Variants in IMPA2 observed in about 807,000 individuals in gnomAD.
The protein encoded by IMPA2 is IMP 2.
A neutral mutation model predicts 35.1 loss-of-function variants in IMPA2; 32 were observed. The ratio of observed to expected loss-of-function variants is 0.91; its 90% CI spans 0.69 to 1.23. IMPA2 has a LOEUF of 1.23. IMPA2 is among the 50% of genes most tolerant of loss of function. The pLI, the probability that IMPA2 is intolerant of heterozygous loss-of-function variation, is 0.00. For synonymous variants in IMPA2, 135 were observed against 160.6 expected, an observed-to-expected ratio of 0.84 and a Z score of 1.20; for missense variants, 334 against 387.6, an observed-to-expected ratio of 0.86 and a Z score of 1.16.
At chr18:12,011,969 T>TTA (rs1286798272) in intron 3 of IMPA2, among the ~76,000 whole-genome samples, 8 of 152,282 alleles carry the variant, frequency 5.3e-5, no homozygotes, top group Non-Finnish European at 4.4e-5. Context: ...TCTTTCAAGG[T>TTA]TAACTGTCTT....
intron 1 of IMPA2, among the ~76,000 whole-genome samples, chr18:11,995,814 T>A (rs1439791123): frequency 1.3e-5 from 2 of 152,192 alleles, no homozygotes; most frequent in Non-Finnish European, 2.9e-5. Flanking sequence ...ACACTAGTGT[T>A]CCCGTTTGGA....
chr18:12,024,368 C>T (rs1907819163), intron 5 of IMPA2, among the ~76,000 whole-genome samples: 1 of 151,438 alleles, frequency 6.6e-6, no homozygotes, highest in African/African-American at 2.4e-5. Flanking sequence ...CCTGTAATCC[C>T]CGCTACTTGG....
chr18:11,986,340 G>C (rs1011479544), intron 1 of IMPA2, among the ~76,000 whole-genome samples: 1 of 152,140 alleles, frequency 6.6e-6, no homozygotes, highest in Non-Finnish European at 1.5e-5. Flanking sequence ...TGTCTCCAGA[G>C]CCCGGCTCCT....
chr18:11,996,241 C>T (rs1027054914), intron 1 of IMPA2, among the ~76,000 whole-genome samples: 2 of 152,148 alleles, frequency 1.3e-5, no homozygotes, highest in Non-Finnish European at 2.9e-5. Flanking sequence ...GCTGACCTGT[C>T]GGAGGTGAGC....
At chr18:11,999,222 C>T (rs1241277822) in intron 2 of IMPA2, 35 bp downstream of exon 2, 11 of 1,601,842 alleles carry the variant, frequency 6.9e-6, no homozygotes, top group Non-Finnish European at 9.4e-6. Flanking sequence ...CCCCCAGTAA[C>T]CCTGGCCACA....
At chr18:11,983,701 C>T (rs1003073953) in intron 1 of IMPA2, among the ~76,000 whole-genome samples, 27 of 152,006 alleles carry the variant, frequency 1.8e-4, no homozygotes, top group African/African-American at 6.3e-4. Flanking sequence ...GCCCGGGCCG[C>T]CCGGGGCTCC....
intron 5 of IMPA2, chr18:12,017,628 AC>A: frequency 2.3e-6 from 1 of 426,142 alleles, no homozygotes. Context: ...TCACTCTGTC[AC>A]CCAGGCTGGA....
intron 2 of IMPA2, among the ~76,000 whole-genome samples, chr18:11,999,669 G>A (rs899159683): frequency 7.9e-5 from 12 of 152,340 alleles, no homozygotes; most frequent in Admixed American, 5.9e-4. Flanking sequence ...AGTGATGCAC[G>A]CCCCCTCGCC....
At position 11,982,793 on chromosome 18, in the gene IMPA2, C is replaced by CA. The variant is rs11354219; in HGVS notation, c.96+1045dup. ...GGGCAACAAGAACAAAACTCCGTCT[C>CA]AAAAAAAAAAAAAAAAAGTGATTGT... On this transcript the variant is annotated intron_variant, in intron 1 of 7. Transcript: ENST00000269159. Among the ~76,000 whole-genome samples the CA allele has an allele frequency of 3.5e-3, 395 of 111,680 alleles. 3 individuals carry two copies. The highest frequency in any genetic ancestry group is 5.3e-3 in the Middle Eastern group (1 of 190). 73.3% of individuals were successfully genotyped at this position (111,680 alleles called of 152,430 possible).
At chr18:12,017,763 G>A (rs1309619356) in intron 5 of IMPA2, 2 of 332,276 alleles carry the variant, frequency 6.0e-6, no homozygotes, top group South Asian at 4.4e-5. Context: ...TAATTTTTTT[G>A]TATTTTTTAG....
intron 1 of IMPA2, among the ~76,000 whole-genome samples, chr18:11,985,409 G>C (rs1382636784): frequency 6.6e-6 from 1 of 152,074 alleles, no homozygotes; most frequent in Non-Finnish European, 1.5e-5. Context: ...GGGGAGAATA[G>C]AAAGATAAAT....
chr18:12,007,003 G>A (rs868087143), intron 2 of IMPA2, among the ~76,000 whole-genome samples: 2 of 152,214 alleles, frequency 1.3e-5, no homozygotes, highest in Non-Finnish European at 2.9e-5. Flanking sequence ...TGTGGCGCAC[G>A]CCTGTAATCC....
chr18:12,029,358 C>T, intron 7 of IMPA2, among the ~76,000 whole-genome samples: 1 of 151,758 alleles, frequency 6.6e-6, no homozygotes. Flanking sequence ...TCGTGATCCG[C>T]CTGCCTCGGT....
chr18:11,992,439 G>A (rs1461069019), intron 1 of IMPA2, among the ~76,000 whole-genome samples: 2 of 152,210 alleles, frequency 1.3e-5, no homozygotes, highest in Admixed American at 1.3e-4. Context: ...CATAAAGGTC[G>A]GATGGGGACA....
At chr18:12,027,548 T>C (rs1471325767) in intron 5 of IMPA2, among the ~76,000 whole-genome samples, 1 of 151,420 alleles carries the variant, frequency 6.6e-6, no homozygotes, top group Non-Finnish European at 1.5e-5. Flanking sequence ...TTGCTTTTCT[T>C]TTTGGTTGAA....
At position 11,991,372 on chromosome 18, in the gene IMPA2, G is replaced by A. The variant is rs1442331980; in HGVS notation, c.97-7682G>A. ...TGAGGTGGGCTGGCCTGGGAGCCAC[G>A]TCTGCTTGGACCAGCTCCTCCTCTT... On this transcript the variant is annotated intron_variant, in intron 1 of 7. Transcript: ENST00000269159. The surrounding 1 kb of genome is among the most constrained non-coding windows in gnomAD (Gnocchi z 4.1). 1.3e-5 allele frequency among the ~76,000 whole-genome samples: 2 copies of A among 152,062 alleles called. No individual in the cohort carries two copies.
chr18:12,002,453 A>T (rs920951808), intron 2 of IMPA2, among the ~76,000 whole-genome samples: 5 of 152,272 alleles, frequency 3.3e-5, no homozygotes. Flanking sequence ...AGACAGGTGT[A>T]GACTGAATCA....
chr18:11,993,413 T>C (rs972103223), intron 1 of IMPA2, among the ~76,000 whole-genome samples: 1 of 152,238 alleles, frequency 6.6e-6, no homozygotes, highest in Admixed American at 6.5e-5. Flanking sequence ...TGTTGGTGAC[T>C]GAAGGAAGCT....
At chr18:11,984,269 T>G (rs1043224938) in intron 1 of IMPA2, among the ~76,000 whole-genome samples, 4 of 152,184 alleles carry the variant, frequency 2.6e-5, no homozygotes, top group Non-Finnish European at 4.4e-5. Flanking sequence ...CCACTCTTCC[T>G]TCCGTGACCG....
Sources: allele counts gnomAD v4.1 joint callset (sites outside exome capture counted in the v4.1 genomes callset), GRCh38; gene constraint gnomAD v4.1.1; non-coding constraint Gnocchi (gnomAD v3.1); transcripts MANE v1.5; gene names NCBI Gene and HGNC (gene_info 2026-07-23, HGNC 2026-07-21).